The following PARP8 variants were observed in gnomAD, a reference collection of about 807,000 sequenced individuals.
PARP8 encodes poly(ADP-ribose) polymerase family member 8.
In PARP8, 51 loss-of-function variants were observed where a neutral mutation model predicts 124.1. The observed-to-expected ratio is 0.41, with a 90% CI of 0.33 to 0.52. PARP8 has a LOEUF of 0.52. PARP8 is among the 20% of genes least tolerant of loss of function. PARP8 has a pLI of 0.21. For synonymous variants in PARP8, 391 were observed against 361.5 expected (o/e 1.08, Z -0.93); for missense variants, 860 against 1,018.9 (o/e 0.84, Z 2.12).
At chr5:50,761,992 T>C (rs1250045034) in intron 6 of PARP8, 94 bp downstream of exon 6, 6 of 698,302 alleles carry the variant, frequency 8.6e-6, no homozygotes, top group Non-Finnish European at 1.4e-5. Context: ...AAGGGACCTG[T>C]GTGTTGTTCA....
chr5:50,815,398 AAAG>A, intron 14 of PARP8, 31 bp from the exon 15 acceptor site: 1 of 1,492,154 alleles, frequency 6.7e-7, no homozygotes, highest in Non-Finnish European at 9.0e-7. Context: ...GAGTTGGAAA[AAAG>A]TTTTGTGATT....
chr5:50,779,206 CAT>C (rs1740379837), intron 9 of PARP8, among the ~76,000 whole-genome samples: 1 of 151,994 alleles, frequency 6.6e-6, no homozygotes, highest in Non-Finnish European at 1.5e-5. Context: ...CACACACACA[CAT>C]GCATGCACAC....
At chr5:50,836,740 AG>A (rs1368567388) in intron 25 of PARP8, among the ~76,000 whole-genome samples, 1 of 152,134 alleles carries the variant, frequency 6.6e-6, no homozygotes, top group Non-Finnish European at 1.5e-5. Context: ...GCCACTGAAA[AG>A]CTTATTAAAT....
At chr5:50,806,576 A>G (rs1743866912) in intron 14 of PARP8, among the ~76,000 whole-genome samples, 1 of 152,068 alleles carries the variant, frequency 6.6e-6, no homozygotes, top group Non-Finnish European at 1.5e-5. Flanking sequence ...CAGATGGTTT[A>G]TTGTTGCTGT....
At chr5:50,836,772 T>C (rs1700185201) in intron 25 of PARP8, among the ~76,000 whole-genome samples, 2 of 152,208 alleles carry the variant, frequency 1.3e-5, no homozygotes, top group African/African-American at 4.8e-5. Context: ...GTCTTCTTTC[T>C]TAACTATCTT....
chr5:50,676,128 G>A (rs1750609389), intron 2 of PARP8, among the ~76,000 whole-genome samples: 1 of 152,124 alleles, frequency 6.6e-6, no homozygotes, highest in South Asian at 2.1e-4. Flanking sequence ...AAGTATTTGG[G>A]GTTTTTCAGA....
chr5:50,695,357 G>A (rs1328025707), intron 2 of PARP8, among the ~76,000 whole-genome samples: 6 of 152,254 alleles, frequency 3.9e-5, no homozygotes, highest in Non-Finnish European at 8.8e-5. Context: ...AATTACTGAA[G>A]TAACAACCTA....
chr5:50,747,047 A>G (rs1010462586), intron 2 of PARP8, among the ~76,000 whole-genome samples: 4 of 152,142 alleles, frequency 2.6e-5, no homozygotes, highest in South Asian at 2.1e-4. Flanking sequence ...TTTTTTTTAA[A>G]TGGAAAAAAT....
In PARP8 at chr5:50,774,743, G is replaced by A. The variant is rs182675754; in HGVS notation, c.519-3326G>A. 3.9e-5 allele frequency among the ~76,000 whole-genome samples: 5 copies of A among 127,276 alleles called. No individual in the cohort carries two copies. In the East Asian group the frequency reaches 1.3e-3, roughly 32 times the overall value. The allele number at this position is 127,276 out of a possible 152,430, so 83.5% of individuals were successfully genotyped here. On this transcript the variant is annotated intron_variant, in intron 7 of 25. Transcript: ENST00000281631. ...GGCAGAGGCACTCCTCATTTCCGGGGCAGAGGCGCTCCTCACTTCCCAGAC... is the reference window on the plus strand; with the variant it reads ...GGCAGAGGCACTCCTCATTTCCGGGACAGAGGCGCTCCTCACTTCCCAGAC...
intron 2 of PARP8, among the ~76,000 whole-genome samples, chr5:50,692,036 C>T (rs572941666): frequency 1.3e-5 from 2 of 152,290 alleles, no homozygotes; most frequent in East Asian, 3.9e-4. Context: ...CTTACTTTGA[C>T]TATTCAAAAG....
chr5:50,711,650 C>T (rs971836269), intron 2 of PARP8, among the ~76,000 whole-genome samples: 4 of 152,052 alleles, frequency 2.6e-5, no homozygotes, highest in South Asian at 2.1e-4. Flanking sequence ...TTGGTTGAGC[C>T]GCTGAATTAA....
chr5:50,773,817 G>C (rs1292429035), intron 7 of PARP8, among the ~76,000 whole-genome samples: 1 of 149,328 alleles, frequency 6.7e-6, no homozygotes, highest in East Asian at 2.0e-4. Context: ...GTGTCCTGAT[G>C]AACTTATTTC....
At chr5:50,729,750 G>T (rs1365407791) in intron 2 of PARP8, among the ~76,000 whole-genome samples, 1 of 152,072 alleles carries the variant, frequency 6.6e-6, no homozygotes, top group Non-Finnish European at 1.5e-5. Context: ...GATAAATTTG[G>T]ACTCCTTCTT....
chr5:50,735,686 C>T (rs1757398736), intron 2 of PARP8, among the ~76,000 whole-genome samples: 1 of 152,108 alleles, frequency 6.6e-6, no homozygotes, highest in Non-Finnish European at 1.5e-5. Flanking sequence ...GCAACCTGCA[C>T]ATATATTGAG....
At chr5:50,735,928 T>C (rs1489694396) in intron 2 of PARP8, among the ~76,000 whole-genome samples, 3 of 148,800 alleles carry the variant, frequency 2.0e-5, no homozygotes, top group Non-Finnish European at 4.4e-5. Flanking sequence ...GAAGGATGAG[T>C]AGGATCAAGC....
chr5:50,724,657 G>A (rs1756231262), intron 2 of PARP8, among the ~76,000 whole-genome samples: 1 of 151,940 alleles, frequency 6.6e-6, no homozygotes, highest in Admixed American at 6.6e-5. Flanking sequence ...TTTGGTAAAA[G>A]CAATACATAT....
chr5:50,747,215 C>A (rs1352960572), intron 2 of PARP8, among the ~76,000 whole-genome samples: 2 of 133,606 alleles, frequency 1.5e-5, no homozygotes, highest in African/African-American at 2.9e-5. Flanking sequence ...TACTGAGCAG[C>A]ATGCCAGGGA....
At chr5:50,684,161 A>G (rs190752803) in intron 2 of PARP8, among the ~76,000 whole-genome samples, 188 of 152,330 alleles carry the variant, frequency 1.2e-3, no homozygotes, top group African/African-American at 4.3e-3. Context: ...TGAGCAAGTG[A>G]AAGTAGATAA....
At chr5:50,818,508 G>A (rs1270009446) in intron 15 of PARP8, among the ~76,000 whole-genome samples, 2 of 152,106 alleles carry the variant, frequency 1.3e-5, no homozygotes, top group Non-Finnish European at 2.9e-5. Flanking sequence ...TGGATTACAG[G>A]CATGAGCCAC....
Sources: gnomAD v4.1 joint callset for allele counts (sites outside exome capture counted in the v4.1 genomes callset) on GRCh38, gnomAD v4.1.1 for gene constraint, MANE v1.5 for transcripts, NCBI Gene and HGNC (gene_info 2026-07-23, HGNC 2026-07-21) for gene names.